ADGRB3: variants seen among roughly 807,000 people sequenced by gnomAD.
ADGRB3 encodes brain-specific angiogenesis inhibitor 3.
In ADGRB3, 37 loss-of-function variants were observed where a neutral mutation model predicts 193.4. That is an observed-to-expected ratio of 0.19 (90% CI 0.15 to 0.25). The LOEUF (loss-of-function observed/expected upper bound fraction) is 0.25, where lower values mean the gene tolerates loss of function less well. Ranked by LOEUF, ADGRB3 falls within the 10% of genes least tolerant of loss-of-function variation. ADGRB3 has a pLI of 1.00. For missense variants in ADGRB3, 1,637 were observed against 1,852.9 expected (o/e 0.88, Z 2.14); for synonymous variants, 690 against 644.2 (o/e 1.07, Z -1.08).
At position 69,048,242 on chromosome 6, in the gene ADGRB3, T is replaced by G. The variant is rs1333422704; in HGVS notation, c.2165T>G (p.Met722Arg). 8 of 1,613,508 alleles carry G rather than the reference T, an allele frequency of 5.0e-6. No homozygotes were observed. The highest frequency in any genetic ancestry group is 5.9e-6 in the Non-Finnish European group (7 of 1,179,738). The change falls in exon 14 of 32, where the codon ATG becomes AGG. Residue 722 changes from methionine to arginine, a missense_variant. Met to Arg is a moderately conservative substitution (Grantham distance 91). Around this residue, in one of 7 missense-constraint regions of ADGRB3, gnomAD observed 641 missense variants for 673.9 expected, o/e 0.95. Transcript: ENST00000370598. ...GTTCTAACAGACATCAACTTTCCAA[T>G]GAAAGGACGGAAGGGAATGGTTGAC... The part of the protein sequence containing the change: ...ASVLTDINFP[M>R]KGRKGMVDWA...
chr6:68,852,284 A>G (rs1293599540), intron 3 of ADGRB3, among the ~76,000 whole-genome samples: 1 of 151,874 alleles, frequency 6.6e-6, no homozygotes, highest in Non-Finnish European at 1.5e-5. Context: ...TTTTATTCTT[A>G]ATTAGTAAGG....
intron 13 of ADGRB3, among the ~76,000 whole-genome samples, chr6:69,039,309 T>A (rs577572053): frequency 6.6e-6 from 1 of 152,144 alleles, no homozygotes; most frequent in African/African-American, 2.4e-5. Context: ...ATGAATCTTT[T>A]ATCCTTGAAG....
chr6:69,049,077 G>A (rs1003393024), intron 14 of ADGRB3, among the ~76,000 whole-genome samples, 194 bp from the exon 15 acceptor site: 2 of 152,028 alleles, frequency 1.3e-5, no homozygotes, highest in Non-Finnish European at 1.5e-5. Context: ...AGTTTCCTTC[G>A]TGATGCAAAA....
chr6:68,688,816 C>T (rs1053271412), intron 3 of ADGRB3, among the ~76,000 whole-genome samples: 2 of 152,138 alleles, frequency 1.3e-5, no homozygotes, highest in African/African-American at 4.8e-5. Context: ...TTAGAACGCA[C>T]CTTTAACAAC....
At chr6:68,693,899 C>A (rs1765117379) in intron 3 of ADGRB3, among the ~76,000 whole-genome samples, 1 of 151,970 alleles carries the variant, frequency 6.6e-6, no homozygotes, top group Admixed American at 6.6e-5. Flanking sequence ...AACCAGTTAA[C>A]TGGACCATGG....
chr6:68,970,690 T>G (rs1441383778), intron 8 of ADGRB3, among the ~76,000 whole-genome samples: 1 of 152,180 alleles, frequency 6.6e-6, no homozygotes, highest in Non-Finnish European at 1.5e-5. Flanking sequence ...CTCTAGCACA[T>G]ATTAGGTAAA....
chr6:69,361,493 T>C lies in ADGRB3; in HGVS notation c.4220T>C (p.Ile1407Thr). ...TCAAGAAGTGAAACTGGATCAACGA[T>C]ATCAATGAGTTCTTTAGAGGTGAGC... ...GLSRSETGST[I>T]SMSSLERRKS... Residue 1407 changes from isoleucine (I) to threonine (T), a missense_variant, in exon 29 of 32, where the codon ATA becomes ACA. Ile to Thr is a moderately conservative substitution (Grantham distance 89). Coordinates refer to ENST00000370598, the MANE Select transcript of ADGRB3 (RefSeq NM_001704.3). 3.1e-6 allele frequency: 5 copies of C among 1,612,168 alleles called. No homozygotes were observed. Among genetic ancestry groups the C allele is most frequent in the Non-Finnish European group, 4.2e-6 (5 of 1,178,750 alleles).
chr6:68,814,714 G>T (rs532362899), intron 3 of ADGRB3, among the ~76,000 whole-genome samples: 35 of 152,178 alleles, frequency 2.3e-4, no homozygotes, highest in African/African-American at 7.9e-4. Context: ...TATCCCTGAT[G>T]AACATCGATG....
intron 20 of ADGRB3, among the ~76,000 whole-genome samples, chr6:69,280,643 A>T (rs533916217): frequency 6.6e-6 from 1 of 152,336 alleles, no homozygotes; most frequent in East Asian, 1.9e-4. Context: ...CAAACATAGC[A>T]AGTGCCATCC....
chr6:68,918,336 T>C (rs1484627900), intron 3 of ADGRB3, among the ~76,000 whole-genome samples: 1 of 152,154 alleles, frequency 6.6e-6, no homozygotes, highest in East Asian at 1.9e-4. Flanking sequence ...ACCAGCCTTG[T>C]AGAAGCACAG....
chr6:69,104,018 A>G (rs1173182930), intron 17 of ADGRB3, among the ~76,000 whole-genome samples: 2 of 152,124 alleles, frequency 1.3e-5, no homozygotes, highest in Non-Finnish European at 2.9e-5. Context: ...CGTAGATTCC[A>G]TTAAACTTTA....
chr6:69,269,757 T>G lies in ADGRB3; in HGVS notation c.2814+30531T>G, dbSNP rs377199502. Among the ~76,000 whole-genome samples the G allele has an allele frequency of 3.3e-5, 5 of 152,276 alleles. No homozygotes were observed. The East Asian group carries it at 9.6e-4, about 29-fold the overall frequency. ...ATTATTACCATATGGTTTATTTAGT[T>G]TGCCTGTCATACTCTTGATACTTTA... On this transcript the variant is annotated intron_variant, in intron 20 of 31. Coordinates refer to ENST00000370598, the MANE Select transcript of ADGRB3 (RefSeq NM_001704.3).
intron 3 of ADGRB3, among the ~76,000 whole-genome samples, chr6:68,695,966 G>A (rs1290889255): frequency 6.6e-6 from 1 of 151,912 alleles, no homozygotes; most frequent in Non-Finnish European, 1.5e-5. Flanking sequence ...TTTTGTTGTG[G>A]ATTTTCTTAG....
intron 3 of ADGRB3, among the ~76,000 whole-genome samples, chr6:68,768,540 T>A (rs1427512035): frequency 6.6e-6 from 1 of 152,038 alleles, no homozygotes; most frequent in Non-Finnish European, 1.5e-5. Flanking sequence ...AAAAATTAAC[T>A]CAAGATGGAT....
chr6:69,125,991 G>A (rs1490970088), intron 17 of ADGRB3, among the ~76,000 whole-genome samples: 2 of 152,058 alleles, frequency 1.3e-5, no homozygotes, highest in Non-Finnish European at 2.9e-5. Flanking sequence ...TCCAACATTT[G>A]GGTCAAAGTC....
chr6:69,308,480 C>T (rs953654230), intron 20 of ADGRB3, among the ~76,000 whole-genome samples: 1 of 149,522 alleles, frequency 6.7e-6, no homozygotes, highest in African/African-American at 2.5e-5. Flanking sequence ...TAATTTATTC[C>T]AGTTGGTTCG....
At chr6:69,159,088 A>G (rs1268154916) in intron 17 of ADGRB3, among the ~76,000 whole-genome samples, 1 of 152,032 alleles carries the variant, frequency 6.6e-6, no homozygotes, top group East Asian at 1.9e-4. Context: ...GAAGTTTCTA[A>G]ATGTCCTTTG....
At chr6:69,103,118 C>G (rs1773111452) in intron 17 of ADGRB3, among the ~76,000 whole-genome samples, 1 of 152,024 alleles carries the variant, frequency 6.6e-6, no homozygotes, top group Admixed American at 6.5e-5. Context: ...AAAAAAATCA[C>G]AAATAAAAAT....
chr6:69,192,493 C>T (rs1388328560), intron 17 of ADGRB3, among the ~76,000 whole-genome samples: 2 of 152,152 alleles, frequency 1.3e-5, no homozygotes, highest in African/African-American at 4.8e-5. Context: ...CTCACAGACA[C>T]ACCCAGGAAC....
Sources: allele counts gnomAD v4.1 joint callset (sites outside exome capture counted in the v4.1 genomes callset), GRCh38; gene constraint gnomAD v4.1.1; regional missense constraint gnomAD v4.1.1; transcripts MANE v1.5; gene names NCBI Gene and HGNC (gene_info 2026-07-23, HGNC 2026-07-21).